KSR2: variants seen among roughly 807,000 people sequenced by gnomAD.
KSR2 encodes kinase suppressor of ras 2.
In KSR2, 25 loss-of-function variants were observed where a neutral mutation model predicts 107.8. That is an observed-to-expected ratio of 0.23 (90% CI 0.17 to 0.32). The LOEUF is 0.32. Among genes scored for constraint, KSR2 ranks in the 10% least tolerant of loss-of-function variants. KSR2 has a pLI of 1.00. For missense variants in KSR2, 887 were observed against 1,268.9 expected, an observed-to-expected ratio of 0.70 and a Z score of 4.57; for synonymous variants, 480 against 507.0, an observed-to-expected ratio of 0.95 and a Z score of 0.71.
At chr12:117,633,801 A>G (rs1882921023) in intron 5 of KSR2, among the ~76,000 whole-genome samples, 1 of 152,172 alleles carries the variant, frequency 6.6e-6, no homozygotes, top group South Asian at 2.1e-4. Flanking sequence ...CTGCATGGAT[A>G]TAAGTTTTGG....
chr12:117,470,006 A>T (rs1482521909), intron 18 of KSR2, among the ~76,000 whole-genome samples: 2 of 150,926 alleles, frequency 1.3e-5, no homozygotes, highest in African/African-American at 4.9e-5. Flanking sequence ...TCCTTCATCC[A>T]TCCATCCATC....
intron 3 of KSR2, among the ~76,000 whole-genome samples, chr12:117,799,434 G>A (rs563104134): frequency 2.8e-4 from 43 of 151,630 alleles, no homozygotes; most frequent in Admixed American, 2.8e-3. Flanking sequence ...CCGGGAGGCA[G>A]AGGTTGCAGT....
At chr12:117,573,231 T>A (rs1257829626) in intron 7 of KSR2, among the ~76,000 whole-genome samples, 1 of 152,230 alleles carries the variant, frequency 6.6e-6, no homozygotes, top group African/African-American at 2.4e-5. Flanking sequence ...TCTGGCTTCC[T>A]GGGTGGAGGG....
intron 5 of KSR2, among the ~76,000 whole-genome samples, chr12:117,585,951 C>T (rs1163173172): frequency 6.6e-6 from 1 of 152,160 alleles, no homozygotes; most frequent in Non-Finnish European, 1.5e-5. Context: ...GATTCTTCTC[C>T]CCTTGCACAG....
rs116013427 is a variant in KSR2 at position 117,675,341 on chromosome 12, G to A, written c.987-7683C>T. Among the ~76,000 whole-genome samples, 440 of 152,262 alleles carry A rather than the reference G, an allele frequency of 2.9e-3. 4 individuals carry two copies. Among genetic ancestry groups the A allele is most frequent in the African/African-American group, 0.01 (432 of 41,562 alleles). On this transcript the variant is annotated intron_variant, in intron 4 of 19. Transcript: ENST00000339824. ...GGACTATGTGACATCTTCTATTTGTGGGGAATTCTAAAGGAAAGTGACCCA... is the reference window on the plus strand; with the variant it reads ...GGACTATGTGACATCTTCTATTTGTAGGGAATTCTAAAGGAAAGTGACCCA...
rs1870807030 is a variant in KSR2, at chr12:117,459,913, T to C, written c.*7286A>G. 1 of 152,208 alleles carries C rather than the reference T, an allele frequency of 6.6e-6. No individual in the cohort carries two copies. Among genetic ancestry groups the C allele is most frequent in the African/African-American group, 2.4e-5 (1 of 41,454 alleles). 9.4% of individuals were successfully genotyped at this position (152,208 alleles called of 1,614,324 possible). On this transcript the variant is annotated 3_prime_UTR_variant, in exon 20 of 20. Coordinates refer to ENST00000339824, the MANE Select transcript of KSR2 (RefSeq NM_173598.6). ...GTACCAGGTAAGGTATCAAGTCTCATTCACAGAGGTTGACCTTGTTGGAGA... is the reference window on the plus strand; with the variant it reads ...GTACCAGGTAAGGTATCAAGTCTCACTCACAGAGGTTGACCTTGTTGGAGA...
intron 4 of KSR2, among the ~76,000 whole-genome samples, chr12:117,672,823 CTA>C (rs1884968076): frequency 6.6e-6 from 1 of 152,168 alleles, no homozygotes; most frequent in African/African-American, 2.4e-5. Flanking sequence ...CGGGGTTTCA[CTA>C]TGTTGGCCAG....
intron 4 of KSR2, among the ~76,000 whole-genome samples, chr12:117,682,651 T>C (rs1885416699): frequency 6.6e-6 from 1 of 152,098 alleles, no homozygotes; most frequent in Admixed American, 6.5e-5. Context: ...ACTCCCGACC[T>C]CGGCTGACCC....
intron 4 of KSR2, among the ~76,000 whole-genome samples, chr12:117,732,478 T>TG (rs1887770977): frequency 6.6e-6 from 1 of 151,928 alleles, no homozygotes. Flanking sequence ...TTAGTAGAGA[T>TG]GGGGTTTCAC....
chr12:117,616,342 C>T (rs1157856303), intron 5 of KSR2, among the ~76,000 whole-genome samples: 1 of 152,120 alleles, frequency 6.6e-6, no homozygotes, highest in South Asian at 2.1e-4. Flanking sequence ...TGAGGAATTG[C>T]GTTTTCTCCA....
intron 3 of KSR2, among the ~76,000 whole-genome samples, chr12:117,787,817 A>T (rs1890131433): frequency 6.6e-6 from 1 of 152,226 alleles, no homozygotes. Flanking sequence ...CTTTATTAAC[A>T]GGATGAACTG....
intron 4 of KSR2, among the ~76,000 whole-genome samples, chr12:117,750,395 A>G (rs999124236): frequency 3.3e-5 from 5 of 152,072 alleles, no homozygotes; most frequent in Admixed American, 2.6e-4. Flanking sequence ...TATAAATTAT[A>G]AAATACCTTG....
chr12:117,843,302 C>T (rs1352473215), intron 3 of KSR2, among the ~76,000 whole-genome samples: 1 of 152,158 alleles, frequency 6.6e-6, no homozygotes, highest in East Asian at 1.9e-4. Flanking sequence ...AGTCCCTTCC[C>T]TTCTTTAATC....
intron 5 of KSR2, among the ~76,000 whole-genome samples, chr12:117,639,158 C>T (rs1423149815): frequency 6.6e-6 from 1 of 151,982 alleles, no homozygotes; most frequent in East Asian, 1.9e-4. Context: ...TTTGGGGCAC[C>T]TCTTAAATTT....
intron 1 of KSR2, among the ~76,000 whole-genome samples, chr12:117,914,529 A>G (rs1895119984): frequency 1.3e-5 from 2 of 151,952 alleles, no homozygotes; most frequent in South Asian, 2.1e-4. Flanking sequence ...CACTGGTTTT[A>G]TCTGTCATAA....
chr12:117,506,769 C>A (rs907156490), intron 14 of KSR2, among the ~76,000 whole-genome samples: 16 of 152,084 alleles, frequency 1.1e-4, no homozygotes, highest in African/African-American at 3.4e-4. Context: ...CCCAGTCCTG[C>A]TTCCATAATA....
At chr12:117,547,349 G>C (rs974137036) in intron 9 of KSR2, among the ~76,000 whole-genome samples, 1 of 152,164 alleles carries the variant, frequency 6.6e-6, no homozygotes, top group Non-Finnish European at 1.5e-5. Context: ...AAAAAGCAGG[G>C]AGCAGACTTG....
At position 117,476,601 on chromosome 12, in the gene KSR2, GAAGCA is replaced by G; in HGVS notation, c.2451-11_2451-7del. The G allele has an allele frequency of 1.2e-6, 2 of 1,608,584 alleles. No homozygotes were observed. The highest frequency in any genetic ancestry group is 1.7e-6 in the Non-Finnish European group (2 of 1,177,490). On this transcript the variant is annotated splice_polypyrimidine_tract_variant and splice_region_variant and intron_variant, in intron 16 of 19. Transcript: ENST00000339824. ...TGCGCAGTTTGTCCTCCCGCCTGGA[GAAGCA>G]AAGCACAGGATGAGCTCTGTTTCAT...
chr12:117,803,412 G>A (rs1890902933), intron 3 of KSR2, among the ~76,000 whole-genome samples: 1 of 152,206 alleles, frequency 6.6e-6, no homozygotes, highest in South Asian at 2.1e-4. Context: ...TATAGAGAGA[G>A]TTGAAATTGG....
Sources: gnomAD v4.1 joint callset for allele counts (sites outside exome capture counted in the v4.1 genomes callset) on GRCh38, gnomAD v4.1.1 for gene constraint, MANE v1.5 for transcripts, NCBI Gene and HGNC (gene_info 2026-07-23, HGNC 2026-07-21) for gene names.